The following UNC5C variants were observed in gnomAD, a reference collection of about 807,000 sequenced individuals.
UNC5C encodes unc-5 netrin receptor C, also known as netrin receptor UNC5C.
A neutral mutation model predicts 99.8 loss-of-function variants in UNC5C; 47 were observed. That is an observed-to-expected ratio of 0.47 (90% CI 0.37 to 0.60). The LOEUF (loss-of-function observed/expected upper bound fraction) is 0.60. UNC5C is among the 20% of genes least tolerant of loss of function. The probability of loss-of-function intolerance (pLI) is 0.00; values close to 1 mark genes in which losing one functional copy is unlikely to be tolerated. For missense variants in UNC5C, 1,062 were observed against 1,165.9 expected (o/e 0.91, Z 1.30); for synonymous variants, 487 against 452.2 (o/e 1.08, Z -0.98).
chr4:95,235,166 C>T (rs1030391568), intron 7 of UNC5C, among the ~76,000 whole-genome samples: 7 of 152,096 alleles, frequency 4.6e-5, no homozygotes, highest in African/African-American at 1.7e-4. Flanking sequence ...ATCAATGTGA[C>T]CAAAGTCAGT....
intron 3 of UNC5C, among the ~76,000 whole-genome samples, chr4:95,289,531 C>T (rs759810382): frequency 3.9e-5 from 6 of 152,192 alleles, no homozygotes; most frequent in Non-Finnish European, 8.8e-5. Flanking sequence ...TTTACACACT[C>T]ACTGAACAAT....
At chr4:95,222,668 CTTT>C (rs1440900960) in intron 7 of UNC5C, among the ~76,000 whole-genome samples, 4 of 150,726 alleles carry the variant, frequency 2.7e-5, no homozygotes, top group African/African-American at 9.7e-5. Context: ...GTTTTTTTTT[CTTT>C]TTTATTTAAT....
intron 1 of UNC5C, among the ~76,000 whole-genome samples, chr4:95,541,017 G>T (rs914744105): frequency 6.6e-6 from 1 of 152,094 alleles, no homozygotes; most frequent in African/African-American, 2.4e-5. Flanking sequence ...ATTCCAAAAA[G>T]ATATTAGAAT....
rs141975957 is a variant in UNC5C at position 95,526,930 on chromosome 4, T to C, written c.124+21804A>G. On this transcript the variant is annotated intron_variant, in intron 1 of 15. Coordinates refer to ENST00000453304, the MANE Select transcript of UNC5C (RefSeq NM_003728.4). ...ATAAAATTAGCTGAAAGTTGAATTT[T>C]ATTAAAAGAATATGTAGCACTAAAA... 1.9e-3 allele frequency among the ~76,000 whole-genome samples: 284 copies of C among 152,224 alleles called. 2 individuals carry two copies. The highest frequency in any genetic ancestry group is 3.6e-3 in the Admixed American group (55 of 15,296).
At chr4:95,540,131 C>T (rs983871834) in intron 1 of UNC5C, among the ~76,000 whole-genome samples, 1 of 152,130 alleles carries the variant, frequency 6.6e-6, no homozygotes, top group Non-Finnish European at 1.5e-5. Flanking sequence ...CTAGATTTCT[C>T]AAACAAGCAC....
At chr4:95,205,355 G>T (rs1338867730) in intron 11 of UNC5C, among the ~76,000 whole-genome samples, 2 of 152,070 alleles carry the variant, frequency 1.3e-5, no homozygotes, top group African/African-American at 4.8e-5. Context: ...AGTTAGATCT[G>T]GTTAAATCTG....
At chr4:95,365,069 C>T (rs1035629352) in intron 1 of UNC5C, among the ~76,000 whole-genome samples, 3 of 151,134 alleles carry the variant, frequency 2.0e-5, no homozygotes, top group African/African-American at 7.3e-5. Flanking sequence ...CCGAGAAAGG[C>T]GGATCACCTG....
chr4:95,250,255 G>A (rs1019903607), intron 5 of UNC5C, among the ~76,000 whole-genome samples: 8 of 152,202 alleles, frequency 5.3e-5, no homozygotes, highest in Admixed American at 4.6e-4. Context: ...GGTGGTACAT[G>A]CCTGTAATAC....
chr4:95,170,310 G>A lies in UNC5C; in HGVS notation c.2474C>T (p.Pro825Leu), dbSNP rs143332038. The A allele has an allele frequency of 9.9e-6, 16 of 1,613,966 alleles. No individual in the cohort carries two copies. The highest frequency in any genetic ancestry group is 3.3e-5 in the Admixed American group (2 of 59,988). The change falls in exon 15 of 16, where the codon CCG (proline) becomes CTG (leucine). Residue 825 changes from proline (P) to leucine (L), a missense_variant. Coordinates refer to ENST00000453304, the MANE Select transcript of UNC5C (RefSeq NM_003728.4). ...GATGGTGTTCGCAGGATCCAGCAGC[G>A]GCAAATCGATGCCAGTAGGTTCCTG... The part of the protein sequence containing the change: ...VSEEPTGIDL[P>L]LLDPANTITT...
intron 1 of UNC5C, among the ~76,000 whole-genome samples, chr4:95,383,290 CTT>C (rs1218088943): frequency 6.2e-5 from 9 of 146,260 alleles, no homozygotes; most frequent in African/African-American, 2.0e-4. Flanking sequence ...CACACACACA[CTT>C]ATTTATTGTT....
intron 1 of UNC5C, among the ~76,000 whole-genome samples, chr4:95,457,244 T>G (rs1331219942): frequency 1.3e-5 from 2 of 152,162 alleles, no homozygotes; most frequent in Non-Finnish European, 2.9e-5. Context: ...ACCTGTTATA[T>G]GTACTGATTG....
At chr4:95,547,832 G>T (rs1423222281) in intron 1 of UNC5C, among the ~76,000 whole-genome samples, 2 of 152,190 alleles carry the variant, frequency 1.3e-5, no homozygotes, top group South Asian at 2.1e-4. Flanking sequence ...GGAGCCGGGC[G>T]ATCAGCTCCG....
chr4:95,299,101 G>T (rs1361499541), intron 3 of UNC5C, among the ~76,000 whole-genome samples: 1 of 152,106 alleles, frequency 6.6e-6, no homozygotes, highest in Non-Finnish European at 1.5e-5. Context: ...AGTTCCTCAG[G>T]ATGTGACTAT....
At chr4:95,317,376 C>T (rs1459168280) in intron 2 of UNC5C, among the ~76,000 whole-genome samples, 1 of 152,172 alleles carries the variant, frequency 6.6e-6, no homozygotes, top group Non-Finnish European at 1.5e-5. Flanking sequence ...AGAGCGGCTG[C>T]ATTAACAACG....
intron 2 of UNC5C, among the ~76,000 whole-genome samples, chr4:95,328,812 G>A (rs902660702): frequency 1.6e-4 from 24 of 152,070 alleles, no homozygotes; most frequent in Non-Finnish European, 2.8e-4. Context: ...TACCAAAGCC[G>A]GGCAGAGACA....
chr4:95,197,252 T>C (rs1316639731), intron 12 of UNC5C, among the ~76,000 whole-genome samples: 1 of 151,418 alleles, frequency 6.6e-6, no homozygotes, highest in East Asian at 1.9e-4. Flanking sequence ...TGGGGCAGTC[T>C]TTTTGCAATA....
At chr4:95,487,789 G>A (rs1225895230) in intron 1 of UNC5C, among the ~76,000 whole-genome samples, 1 of 151,664 alleles carries the variant, frequency 6.6e-6, no homozygotes, top group Non-Finnish European at 1.5e-5. Flanking sequence ...TAACCATATA[G>A]GTAAGTTGGC....
chr4:95,177,311 GAACT>G (rs1371027377), intron 14 of UNC5C, among the ~76,000 whole-genome samples: 1 of 152,188 alleles, frequency 6.6e-6, no homozygotes, highest in Admixed American at 6.5e-5. Context: ...GCCAGAGGAT[GAACT>G]AACTGGCCAC....
At chr4:95,287,424 C>A (rs867818431) in intron 3 of UNC5C, among the ~76,000 whole-genome samples, 2 of 152,134 alleles carry the variant, frequency 1.3e-5, no homozygotes, top group African/African-American at 4.8e-5. Flanking sequence ...ACATTCTTTT[C>A]GGAACCAATG....
Sources: allele counts gnomAD v4.1 joint callset (sites outside exome capture counted in the v4.1 genomes callset), GRCh38; gene constraint gnomAD v4.1.1; transcripts MANE v1.5; gene names NCBI Gene and HGNC (gene_info 2026-07-23, HGNC 2026-07-21).